Variants in DENND1B observed in about 807,000 individuals in gnomAD.
DENND1B encodes the protein DENN domain-containing protein 1B.
DENND1B carries 59 observed loss-of-function variants against 90.1 expected under a neutral mutation model. The observed-to-expected ratio is 0.65, with a 90% CI of 0.53 to 0.81. The LOEUF (loss-of-function observed/expected upper bound fraction) is 0.81. DENND1B is among the 40% of genes least tolerant of loss of function. The pLI is 0.00. For synonymous variants in DENND1B, 337 were observed against 324.6 expected (o/e 1.04, Z -0.41); for missense variants, 862 against 912.6 (o/e 0.94, Z 0.71).
chr1:197,643,574 A>G (rs1680474380), intron 9 of DENND1B, among the ~76,000 whole-genome samples: 1 of 152,218 alleles, frequency 6.6e-6, no homozygotes, highest in South Asian at 2.1e-4. Context: ...CTATGCAGGC[A>G]CAATCATCAT....
chr1:197,584,292 C>G (rs549077980), intron 14 of DENND1B, among the ~76,000 whole-genome samples: 1 of 152,276 alleles, frequency 6.6e-6, no homozygotes, highest in African/African-American at 2.4e-5. Flanking sequence ...ACTATTACCA[C>G]TTTCTGATAA....
At chr1:197,664,576 C>G (rs1254215953) in intron 5 of DENND1B, among the ~76,000 whole-genome samples, 7 of 152,044 alleles carry the variant, frequency 4.6e-5, no homozygotes, top group Non-Finnish European at 1.5e-5. Flanking sequence ...GCTGATAAAA[C>G]TTTTACATTC....
chr1:197,517,697 C>T (rs971592867), intron 20 of DENND1B, among the ~76,000 whole-genome samples: 2 of 151,844 alleles, frequency 1.3e-5, no homozygotes, highest in Non-Finnish European at 2.9e-5. Flanking sequence ...TTCAATGGCC[C>T]CTTACAGTCT....
At chr1:197,544,449 T>C (rs1670565115) in intron 18 of DENND1B, among the ~76,000 whole-genome samples, 1 of 152,100 alleles carries the variant, frequency 6.6e-6, no homozygotes, top group Non-Finnish European at 1.5e-5. Flanking sequence ...GAACTAGACA[T>C]GAAGGGTTGG....
intron 5 of DENND1B, among the ~76,000 whole-genome samples, chr1:197,658,727 T>G (rs1558367633): frequency 6.6e-6 from 1 of 151,282 alleles, no homozygotes; most frequent in Non-Finnish European, 1.5e-5. Flanking sequence ...AAACAAAAGA[T>G]ATCAAAAATA....
At chr1:197,699,064 A>G (rs372215092) in intron 3 of DENND1B, among the ~76,000 whole-genome samples, 2 of 152,144 alleles carry the variant, frequency 1.3e-5, no homozygotes, top group African/African-American at 4.8e-5. Context: ...CATTTAATGA[A>G]GCCAGCATAA....
intron 2 of DENND1B, among the ~76,000 whole-genome samples, chr1:197,754,306 A>C (rs1479964246): frequency 1.3e-5 from 2 of 152,228 alleles, no homozygotes; most frequent in Non-Finnish European, 2.9e-5. Flanking sequence ...GATACTCAAG[A>C]ACTTATTTGA....
intron 3 of DENND1B, among the ~76,000 whole-genome samples, chr1:197,691,981 T>G (rs189049535): frequency 6.6e-6 from 1 of 151,888 alleles, no homozygotes; most frequent in East Asian, 1.9e-4. Context: ...AATGGCAAGT[T>G]GCTGTTCAAC....
intron 14 of DENND1B, among the ~76,000 whole-genome samples, chr1:197,591,455 T>G (rs1296794933): frequency 6.6e-6 from 1 of 152,208 alleles, no homozygotes; most frequent in African/African-American, 2.4e-5. Context: ...GATGCTTTTC[T>G]GCAGAAAGAG....
At chr1:197,664,029 A>G (rs1380287292) in intron 5 of DENND1B, among the ~76,000 whole-genome samples, 1 of 151,452 alleles carries the variant, frequency 6.6e-6, no homozygotes, top group East Asian at 1.9e-4. Context: ...ACACACACAC[A>G]GAGAGAGAGA....
chr1:197,743,975 G>T (rs1571584296), intron 2 of DENND1B, among the ~76,000 whole-genome samples: 1 of 152,300 alleles, frequency 6.6e-6, no homozygotes, highest in East Asian at 1.9e-4. Context: ...TCATCCGTAA[G>T]AAGCAACTCC....
intron 2 of DENND1B, among the ~76,000 whole-genome samples, chr1:197,749,095 C>T (rs1653101720): frequency 6.6e-6 from 1 of 151,416 alleles, no homozygotes; most frequent in African/African-American, 2.4e-5. Flanking sequence ...CTGTACAAAC[C>T]GAGACACAGA....
At chr1:197,775,844 T>A (rs1238054887), upstream of DENND1B, 1 of 152,272 alleles carries the variant, frequency 6.6e-6, no homozygotes, top group African/African-American at 2.4e-5. Context: ...CTTGGGTTCC[T>A]TTCATTTCAT....
At chr1:197,665,279 T>C (rs1021827774) in intron 5 of DENND1B, among the ~76,000 whole-genome samples, 3 of 152,198 alleles carry the variant, frequency 2.0e-5, no homozygotes, top group Non-Finnish European at 1.5e-5. Flanking sequence ...GTGGTTTATA[T>C]AGCATAGCAT....
At chr1:197,521,428 G>A (rs78144004) in intron 20 of DENND1B, among the ~76,000 whole-genome samples, 1,650 of 151,766 alleles carry the variant, frequency 0.011, 27 homozygotes, top group African/African-American at 0.038. Flanking sequence ...ATAGGCAGAC[G>A]AATGAGAAAA....
At chr1:197,679,410 T>C (rs1342054958) in intron 3 of DENND1B, among the ~76,000 whole-genome samples, 1 of 151,404 alleles carries the variant, frequency 6.6e-6, no homozygotes, top group Non-Finnish European at 1.5e-5. Context: ...CAACTATTAA[T>C]AGAGCATTTA....
chr1:197,631,452 T>C (rs1179138685), intron 10 of DENND1B, among the ~76,000 whole-genome samples: 3 of 152,028 alleles, frequency 2.0e-5, no homozygotes, highest in Non-Finnish European at 4.4e-5. Flanking sequence ...TTTTAGAAGG[T>C]ATTATTAATA....
At chr1:197,661,009 G>C (rs1654353878) in intron 5 of DENND1B, among the ~76,000 whole-genome samples, 1 of 152,074 alleles carries the variant, frequency 6.6e-6, no homozygotes, top group Admixed American at 6.6e-5. Flanking sequence ...GGAGATGCTG[G>C]AACGGGGTGT....
intron 3 of DENND1B, among the ~76,000 whole-genome samples, chr1:197,677,741 C>T (rs993080951): frequency 1.4e-4 from 22 of 152,182 alleles, no homozygotes; most frequent in African/African-American, 4.3e-4. Context: ...GGAGTAACTA[C>T]ATCAGTTAAG....
Sources: allele counts gnomAD v4.1 joint callset (sites outside exome capture counted in the v4.1 genomes callset), GRCh38; gene constraint gnomAD v4.1.1; transcripts MANE v1.5; gene names NCBI Gene and HGNC (gene_info 2026-07-23, HGNC 2026-07-21).